Variants in C14orf132 observed in about 807,000 individuals in gnomAD.
C14orf132 encodes the protein uncharacterized protein C14orf132.
A neutral mutation model predicts 5.8 loss-of-function variants in C14orf132; 6 were observed. The observed-to-expected ratio is 1.03, with a 90% CI of 0.57 to 2.04. The LOEUF (loss-of-function observed/expected upper bound fraction) is 2.04. C14orf132 is among the 30% of genes most tolerant of loss of function. The pLI, the probability that C14orf132 is intolerant of heterozygous loss-of-function variation, is 0.00. For synonymous variants in C14orf132, 51 were observed against 49.8 expected, an observed-to-expected ratio of 1.02 and a Z score of -0.10; for missense variants, 125 against 115.8, an observed-to-expected ratio of 1.08 and a Z score of -0.37.
At chr14:96,061,947 C>T (rs1887370619) in intron 1 of C14orf132, among the ~76,000 whole-genome samples, 1 of 152,110 alleles carries the variant, frequency 6.6e-6, no homozygotes, top group African/African-American at 2.4e-5. Context: ...AATAAACAAA[C>T]ATCTCAACAT....
chr14:96,042,994 A>G (rs1336779053), intron 1 of C14orf132, among the ~76,000 whole-genome samples: 1 of 152,254 alleles, frequency 6.6e-6, no homozygotes, highest in Non-Finnish European at 1.5e-5. Flanking sequence ...GACTGAGTCC[A>G]AAATCCCTGT....
At chr14:96,075,853 C>T (rs950928973) in intron 1 of C14orf132, among the ~76,000 whole-genome samples, 1 of 152,074 alleles carries the variant, frequency 6.6e-6, no homozygotes, top group Non-Finnish European at 1.5e-5. Context: ...AGATATTGAT[C>T]CACAGTTTTC....
At chr14:96,073,916 C>A (rs1887784971) in intron 1 of C14orf132, among the ~76,000 whole-genome samples, 1 of 152,180 alleles carries the variant, frequency 6.6e-6, no homozygotes, top group African/African-American at 2.4e-5. Flanking sequence ...AAGCTGTTAT[C>A]CTCAGCAAAC....
rs947642095 is a variant in C14orf132 at position 96,090,984 on chromosome 14, T to C, written c.*4249T>C. The C allele has an allele frequency of 8.8e-6, 4 of 456,032 alleles. No homozygotes were observed. Among genetic ancestry groups the C allele is most frequent in the African/African-American group, 8.0e-5 (4 of 50,098 alleles). 28.2% of individuals were successfully genotyped at this position (456,032 alleles called of 1,614,324 possible). ...CTTACCGGTGCCAGTTTTGCACATC[T>C]TTTTGTTGCTCTATTTGTGTCTCAT... is the stretch of plus-strand genomic sequence containing the variant. On this transcript the variant is annotated 3_prime_UTR_variant, in exon 2 of 2. Coordinates refer to ENST00000555004, the MANE Select transcript of C14orf132 (RefSeq NM_001252507.3).
Position 96,086,211 on chromosome 14 carries a change from G to A in C14orf132, c.28-300G>A, listed in dbSNP as rs183689946. Among the ~76,000 whole-genome samples the A allele has an allele frequency of 1.2e-4, 19 of 152,214 alleles. No individual in the cohort carries two copies. In the East Asian group the frequency reaches 2.3e-3, roughly 19 times the overall value. On this transcript the variant is annotated intron_variant, in intron 1 of 1. Transcript: ENST00000555004. ...ATGGAGGAGCCTGGCATGGGGGGAG[G>A]GGAATGGCTGGAGGGGTTGCTGTGA... is the stretch of plus-strand genomic sequence containing the variant.
Position 96,090,802 on chromosome 14 carries a change from G to T in C14orf132, c.*4067G>T, listed in dbSNP as rs568023803. 2.2e-5 allele frequency: 10 copies of T among 456,082 alleles called. No homozygotes were observed. The highest frequency in any genetic ancestry group is 4.0e-5 in the African/African-American group (2 of 50,194). 28.3% of individuals were successfully genotyped at this position (456,082 alleles called of 1,614,324 possible). A position where few individuals can be genotyped will look rare whatever the true frequency, so the allele number is the denominator to read the frequency against. On this transcript the variant is annotated 3_prime_UTR_variant, in exon 2 of 2. Transcript: ENST00000555004. ...TGGAGGCTGGCCAGACCACTCTGGC[G>T]TCTCCTGAAGTGGGTCCCTGGAGAC...
chr14:96,052,270 G>T (rs1447614613), intron 1 of C14orf132, among the ~76,000 whole-genome samples: 1 of 152,280 alleles, frequency 6.6e-6, no homozygotes, highest in Non-Finnish European at 1.5e-5. Flanking sequence ...AGAGTGGATT[G>T]TGGCTGAAGC....
chr14:96,043,419 G>A (rs879465132), intron 1 of C14orf132, among the ~76,000 whole-genome samples: 2 of 152,166 alleles, frequency 1.3e-5, no homozygotes, highest in South Asian at 2.1e-4. Context: ...TTCTTATGGC[G>A]TAACTCTCCT....
chr14:96,049,488 A>G (rs932245577), intron 1 of C14orf132, among the ~76,000 whole-genome samples: 3 of 145,942 alleles, frequency 2.1e-5, no homozygotes, highest in Admixed American at 6.9e-5. Context: ...ATATATATGC[A>G]TATATATACG....
intron 1 of C14orf132, chr14:96,040,288 C>A: frequency 2.5e-6 from 1 of 398,572 alleles, no homozygotes; most frequent in East Asian, 3.6e-5. Context: ...AAAGACAAAT[C>A]CCGGATTTCT....
chr14:96,041,741 G>A (rs573146056), intron 1 of C14orf132, among the ~76,000 whole-genome samples: 2 of 152,372 alleles, frequency 1.3e-5, no homozygotes, highest in South Asian at 2.1e-4. Context: ...GCAGTTTGCA[G>A]CGAAATGTTG....
chr14:96,081,600 G>A (rs1180382391), intron 1 of C14orf132, among the ~76,000 whole-genome samples: 1 of 152,150 alleles, frequency 6.6e-6, no homozygotes, highest in Admixed American at 6.5e-5. Context: ...GCCAACAAGT[G>A]TTTTTGTTTT....
intron 1 of C14orf132, among the ~76,000 whole-genome samples, chr14:96,062,666 A>G (rs563764545): frequency 3.9e-5 from 6 of 152,176 alleles, no homozygotes; most frequent in African/African-American, 1.4e-4. Context: ...CACCACTCTG[A>G]GCTGCATCCG....
Position 96,090,565 on chromosome 14 carries a change from A to G in C14orf132, c.*3830A>G, listed in dbSNP as rs768857687. 2.4e-5 allele frequency: 11 copies of G among 455,462 alleles called. No homozygotes were observed. The highest frequency in any genetic ancestry group is 1.2e-4 in the South Asian group (8 of 64,492). The allele number at this position is 455,462 out of a possible 1,614,324, so 28.2% of individuals were successfully genotyped here. ...GCAGGATGATGGCGCAGCTCTTCCT[A>G]CTCCAAGCCAATGCTGTCCTTCCCC... On this transcript the variant is annotated 3_prime_UTR_variant, in exon 2 of 2. Coordinates refer to ENST00000555004, the MANE Select transcript of C14orf132 (RefSeq NM_001252507.3).
intron 1 of C14orf132, among the ~76,000 whole-genome samples, chr14:96,058,712 A>C (rs891325440): frequency 6.6e-6 from 1 of 152,224 alleles, no homozygotes. Flanking sequence ...GACAGGATGC[A>C]TCTCAAACAG....
chr14:96,059,249 C>T (rs1057096925), intron 1 of C14orf132, among the ~76,000 whole-genome samples: 1 of 152,114 alleles, frequency 6.6e-6, no homozygotes, highest in Admixed American at 6.5e-5. Context: ...TGCAGCACTG[C>T]CCTCCAGCCT....
intron 1 of C14orf132, among the ~76,000 whole-genome samples, chr14:96,066,414 C>T (rs189256495): frequency 1.3e-5 from 2 of 152,198 alleles, no homozygotes; most frequent in African/African-American, 4.8e-5. Context: ...TTTGCTTTTT[C>T]CTCTTAATTC....
chr14:96,040,112 C>T (rs1595162970), intron 1 of C14orf132, among the ~76,000 whole-genome samples: 1 of 151,714 alleles, frequency 6.6e-6, no homozygotes, highest in South Asian at 2.1e-4. Flanking sequence ...CCACCAGTGC[C>T]CAGCGCGGCC....
chr14:96,054,175 G>A (rs1887112985), intron 1 of C14orf132, among the ~76,000 whole-genome samples: 1 of 152,106 alleles, frequency 6.6e-6, no homozygotes, highest in Non-Finnish European at 1.5e-5. Flanking sequence ...CATCCCTTAT[G>A]CAGGGTGAGT....
Sources: gnomAD v4.1 joint callset for allele counts (sites outside exome capture counted in the v4.1 genomes callset) on GRCh38, gnomAD v4.1.1 for gene constraint, MANE v1.5 for transcripts, NCBI Gene and HGNC (gene_info 2026-07-23, HGNC 2026-07-21) for gene names.